EXOSC10: variants seen among roughly 807,000 people sequenced by gnomAD.
The protein encoded by EXOSC10 is exosome complex component 10.
EXOSC10 carries 94 observed loss-of-function variants against 126.6 expected under a neutral mutation model. The ratio of observed to expected loss-of-function variants is 0.74; its 90% confidence interval spans 0.63 to 0.88. The LOEUF is 0.88. EXOSC10 is among the 40% of genes least tolerant of loss of function. EXOSC10 has a pLI of 0.00. For missense variants in EXOSC10, 1,041 were observed against 1,100.5 expected (o/e 0.95, Z 0.77); for synonymous variants, 395 against 400.8 (o/e 0.99, Z 0.17).
chr1:11,070,265 T>A (rs796163864), intron 21 of EXOSC10, among the ~76,000 whole-genome samples: 424 of 100,400 alleles, frequency 4.2e-3, no homozygotes, highest in Non-Finnish European at 4.4e-3. Context: ...AAAAGGAAAT[T>A]AAAAAAAAAA....
chr1:11,067,909 C>G (rs548562972), intron 24 of EXOSC10, 99 bp downstream of exon 24: 1 of 1,028,826 alleles, frequency 9.7e-7, no homozygotes, highest in South Asian at 1.4e-5. Flanking sequence ...TTGAAGACCC[C>G]TGGACACTCG....
At chr1:11,072,022 G>GA in intron 20 of EXOSC10, 65 bp downstream of exon 20, 1 of 1,366,820 alleles carries the variant, frequency 7.3e-7, no homozygotes, top group Non-Finnish European at 1.0e-6. Flanking sequence ...GCACTTGGCT[G>GA]AAACAGCGGG....
intron 23 of EXOSC10, chr1:11,068,412 C>G: frequency 1.7e-6 from 1 of 596,858 alleles, no homozygotes; most frequent in South Asian, 2.1e-5. Context: ...GCTATAGTTC[C>G]CATGGTAGCA....
Position 11,068,008 on chromosome 1 carries a change from C to G in EXOSC10, c.2627G>C (p.Arg876Thr), listed in dbSNP as rs1179437588. Residue 876 changes from arginine (R) to threonine (T), a missense_variant and splice_region_variant, in exon 24 of 25, where the codon AGA becomes ACA. This residue lies in a region of EXOSC10 where 388 missense variants were observed against 415.2 expected (regional missense o/e 0.93). Transcript: ENST00000376936. ...SMSFPTGKSD[R>T]GFRYNWPQR ...GGCCACACCGCCGTCCACCACATAC[C>G]TGTCTGACTTTCCAGTTGGAAAGGA... The G allele has an allele frequency of 4.3e-6, 7 of 1,614,096 alleles. No individual in the cohort carries two copies. The highest frequency in any genetic ancestry group is 5.9e-6 in the Non-Finnish European group (7 of 1,179,948).
Position 11,074,305 on chromosome 1 carries a change from T to C in EXOSC10, c.2008A>G (p.Lys670Glu), listed in dbSNP as rs1215320219. 1.2e-6 allele frequency: 2 copies of C among 1,614,152 alleles called. No homozygotes were observed. Among genetic ancestry groups the C allele is most frequent in the Non-Finnish European group, 1.7e-6 (2 of 1,179,960 alleles). Reference protein sequence around the residue: ...LFNEPSAEDSKKGPLTVAQKK... With the variant: ...LFNEPSAEDSEKGPLTVAQKK... ...TGTGCAACTGTCAATGGACCCTTTT[T>C]ACTGTCTTCAGCACTAGGTTCCTGC... Residue 670 changes from lysine (K) to glutamate (E), a missense_variant, in exon 18 of 25, where the codon AAA (lysine) becomes GAA (glutamate). Around this residue, in one of 3 missense-constraint regions of EXOSC10, gnomAD observed 388 missense variants for 415.2 expected, o/e 0.93. Coordinates refer to ENST00000376936, the MANE Select transcript of EXOSC10 (RefSeq NM_001001998.3).
intron 1 of EXOSC10, among the ~76,000 whole-genome samples, chr1:11,098,923 T>A (rs1041032283): frequency 1.3e-5 from 2 of 152,128 alleles, no homozygotes; most frequent in Non-Finnish European, 2.9e-5. Flanking sequence ...GGTGGGAAAT[T>A]AAGTCACGGA....
chr1:11,091,488 C>G lies in EXOSC10; in HGVS notation c.477+5G>C, dbSNP rs765600601. The G allele has an allele frequency of 6.2e-7, 1 of 1,612,908 alleles. No individual in the cohort carries two copies. Among genetic ancestry groups the G allele is most frequent in the Non-Finnish European group, 8.5e-7 (1 of 1,179,148 alleles). On this transcript the variant is annotated splice_donor_5th_base_variant and intron_variant, in intron 4 of 24. Transcript: ENST00000376936. ...AGAGCTCTAGTTAATCTGAAAAGCC[C>G]TCACCTTACGGTTCCAGCTGGACAC...
intron 9 of EXOSC10, among the ~76,000 whole-genome samples, chr1:11,086,275 A>G (rs897037287): frequency 3.3e-5 from 5 of 152,084 alleles, no homozygotes; most frequent in African/African-American, 1.2e-4. Context: ...TTGGTAAGCT[A>G]TTGATTATTG....
intron 2 of EXOSC10, 60 bp from the exon 3 acceptor site, chr1:11,095,941 T>C: frequency 6.3e-7 from 1 of 1,579,366 alleles, no homozygotes; most frequent in Admixed American, 1.7e-5. Flanking sequence ...TTACATTCTG[T>C]GAGAGAGAAT....
chr1:11,072,395 C>T lies in EXOSC10; in HGVS notation c.2158-224G>A, dbSNP rs976348492. 8 of 471,770 alleles carry T rather than the reference C, an allele frequency of 1.7e-5. No individual in the cohort carries two copies. The South Asian group carries it at 1.9e-4, about 11-fold the overall frequency. The allele number at this position is 471,770 out of a possible 1,614,324, so 29.2% of individuals were successfully genotyped here. ...TACTGTCCTCCAGGCACTGGGCCAT[C>T]CATCATCTCATTCAATCCCTCTGTA... On this transcript the variant is annotated intron_variant, in intron 19 of 24. Coordinates refer to ENST00000376936, the MANE Select transcript of EXOSC10 (RefSeq NM_001001998.3).
chr1:11,084,378 G>A (rs1640369187), intron 9 of EXOSC10, among the ~76,000 whole-genome samples: 1 of 152,236 alleles, frequency 6.6e-6, no homozygotes, highest in African/African-American at 2.4e-5. Context: ...CTGATGGCCA[G>A]TGATGGTGAG....
intron 14 of EXOSC10, among the ~76,000 whole-genome samples, chr1:11,078,390 T>G (rs1395767253): frequency 1.3e-5 from 2 of 151,388 alleles, no homozygotes; most frequent in African/African-American, 4.8e-5. Context: ...CCCAAGTAGC[T>G]GGGACTACAG....
At position 11,080,566 on chromosome 1, in the gene EXOSC10, AC is replaced by A. The variant is rs763602351; in HGVS notation, c.1587-18del. ...AGTACATATCTGGAAAAAAAAAAAC[AC>A]ACACACACACACACACACACACACA... On this transcript the variant is annotated intron_variant, in intron 12 of 24. Coordinates refer to ENST00000376936, the MANE Select transcript of EXOSC10 (RefSeq NM_001001998.3). 0.054 allele frequency: 62,873 copies of A among 1,169,716 alleles called. 583 individuals carry two copies. The highest frequency in any genetic ancestry group is 0.081 in the South Asian group (4,713 of 58,370). The allele number at this position is 1,169,716 out of a possible 1,614,324, so 72.5% of individuals were successfully genotyped here. A position where few individuals can be genotyped will look rare whatever the true frequency, so the allele number is the denominator to read the frequency against.
chr1:11,076,881 G>A lies in EXOSC10; in HGVS notation c.1947C>T (p.Thr649=). The A allele has an allele frequency of 6.2e-7, 1 of 1,613,796 alleles. No homozygotes were observed. The change falls in exon 17 of 25, where the codon ACC becomes ACT. Residue 649 remains threonine, a synonymous_variant. Transcript: ENST00000376936. ...TGACAGCTGTGGCAATCAGGCATGT[G>A]GTACCCAGCAAGTTATCTTCTTTTT... ...PDEKEDNLLG[T]TCLIATAVIT...
intron 3 of EXOSC10, 66 bp from the exon 4 acceptor site, chr1:11,091,663 C>T (rs1640814057): frequency 8.3e-7 from 1 of 1,208,214 alleles, no homozygotes. Context: ...AACTACCTAA[C>T]ATTTTATTTA....
chr1:11,083,224 C>G (rs780798546), intron 9 of EXOSC10, among the ~76,000 whole-genome samples: 1 of 152,174 alleles, frequency 6.6e-6, no homozygotes, highest in South Asian at 2.1e-4. Context: ...GCTGGGATTA[C>G]AGGCCTGAGC....
rs891831146 is a variant in EXOSC10 at position 11,066,837 on chromosome 1, G to A, written c.2628-89C>T. ...ACAAAATGGTGCAAATCTTAATCATGCAGAACAGAGGAAGAATGGTTTGCT... is the reference window on the plus strand; with the variant it reads ...ACAAAATGGTGCAAATCTTAATCATACAGAACAGAGGAAGAATGGTTTGCT... On this transcript the variant is annotated intron_variant, in intron 24 of 24. Transcript: ENST00000376936. 84 of 1,485,662 alleles carry A rather than the reference G, an allele frequency of 5.7e-5. 2 individuals carry two copies. Among genetic ancestry groups the A allele is most frequent in the South Asian group, 3.4e-4 (30 of 88,430 alleles). The allele number at this position is 1,485,662 out of a possible 1,614,324, so 92.0% of individuals were successfully genotyped here. A position where few individuals can be genotyped will look rare whatever the true frequency, so the allele number is the denominator to read the frequency against.
chr1:11,066,674 G>C lies in EXOSC10; in HGVS notation c.*44C>G, dbSNP rs1639112813. 7 of 1,598,902 alleles carry C rather than the reference G, an allele frequency of 4.4e-6. No homozygotes were observed. In the South Asian group the frequency reaches 6.6e-5, roughly 15 times the overall value. ...ATATGTATGTACAAAAGCAGCACCA[G>C]CATTTGGTGCTTCCGGTCCACAGGC... On this transcript the variant is annotated 3_prime_UTR_variant, in exon 25 of 25. Coordinates refer to ENST00000376936, the MANE Select transcript of EXOSC10 (RefSeq NM_001001998.3).
At chr1:11,070,708 G>C (rs889573610) in intron 21 of EXOSC10, 192 bp downstream of exon 21, 2 of 575,584 alleles carry the variant, frequency 3.5e-6, no homozygotes, top group Non-Finnish European at 6.2e-6. Context: ...AAGGTTAAGA[G>C]GAATTACAAT....
Sources: allele counts gnomAD v4.1 joint callset (sites outside exome capture counted in the v4.1 genomes callset), GRCh38; gene constraint gnomAD v4.1.1; regional missense constraint gnomAD v4.1.1; transcripts MANE v1.5; gene names NCBI Gene and HGNC (gene_info 2026-07-23, HGNC 2026-07-21).